Variants in ZC3H12B observed in about 807,000 individuals in gnomAD.
ZC3H12B encodes zinc finger CCCH-type containing 12B.
ZC3H12B carries 7 observed loss-of-function variants against 43.9 expected under a neutral mutation model. The ratio of observed to expected loss-of-function variants is 0.16; its 90% confidence interval spans 0.09 to 0.30. The LOEUF is 0.30. ZC3H12B is among the 10% of genes least tolerant of loss of function. The pLI, the probability that ZC3H12B is intolerant of heterozygous loss-of-function variation, is 1.00. For missense variants in ZC3H12B, 475 were observed against 670.2 expected (o/e 0.71, Z 3.22); for synonymous variants, 222 against 241.7 (o/e 0.92, Z 0.76).
chrX:65,151,423 C>T, the ZC3H12B span, among the ~76,000 whole-genome samples: 1 of 111,821 alleles, frequency 8.9e-6, no homozygotes, highest in African/African-American at 3.2e-5. Flanking sequence ...ATATGTTCAT[C>T]CTCTCAAAAT....
At chrX:65,189,232 T>C in the ZC3H12B span, among the ~76,000 whole-genome samples, 16 of 103,588 alleles carry the variant, frequency 1.5e-4, no homozygotes, top group African/African-American at 5.9e-4. Flanking sequence ...GTCTTTGCTA[T>C]TGTGAATAAT....
At chrX:65,103,771 G>C in the ZC3H12B span, among the ~76,000 whole-genome samples, 1 of 111,366 alleles carries the variant, frequency 9.0e-6, no homozygotes, top group Non-Finnish European at 1.9e-5. Flanking sequence ...AATAAGAGAG[G>C]ACACAAACAA....
At chrX:65,452,733 C>T (rs777885918) in intron 3 of ZC3H12B, among the ~76,000 whole-genome samples, 18 of 109,791 alleles carry the variant, frequency 1.6e-4, no homozygotes, top group African/African-American at 4.3e-4. Context: ...CCCAGCTGCT[C>T]GGGAGGCTGA....
At chrX:65,142,848 A>C in the ZC3H12B span, among the ~76,000 whole-genome samples, 2 of 111,971 alleles carry the variant, frequency 1.8e-5, no homozygotes, top group Non-Finnish European at 3.8e-5. Context: ...ATTCTGTTTC[A>C]TTGGTCTGTG....
intron 2 of ZC3H12B, among the ~76,000 whole-genome samples, chrX:65,388,622 T>C: frequency 8.9e-6 from 1 of 111,920 alleles, no homozygotes; most frequent in Non-Finnish European, 1.9e-5. Context: ...TTGATTGTCT[T>C]AAGCCTTCTT....
the ZC3H12B span, among the ~76,000 whole-genome samples, chrX:65,295,623 C>A: frequency 9.0e-6 from 1 of 111,006 alleles, no homozygotes; most frequent in Non-Finnish European, 1.9e-5. Context: ...AAAGCTGGTT[C>A]TTTGAAAAGA....
At chrX:65,354,350 A>G in the ZC3H12B span, among the ~76,000 whole-genome samples, 2 of 112,291 alleles carry the variant, frequency 1.8e-5, no homozygotes, top group African/African-American at 6.5e-5. Context: ...AAACTCCAGC[A>G]GACCTGCAGC....
chrX:65,212,617 A>T, the ZC3H12B span, among the ~76,000 whole-genome samples: 2 of 84,483 alleles, frequency 2.4e-5, no homozygotes, highest in Non-Finnish European at 4.3e-5. Flanking sequence ...CATATATGAT[A>T]TATAATATAT....
At chrX:65,049,544 G>A in the ZC3H12B span, among the ~76,000 whole-genome samples, 1 of 111,367 alleles carries the variant, frequency 9.0e-6, no homozygotes. Flanking sequence ...TTGCCTTTAT[G>A]TCAGTTTCAT....
chrX:65,387,658 T>A (rs1376494449), intron 2 of ZC3H12B, among the ~76,000 whole-genome samples: 1 of 112,090 alleles, frequency 8.9e-6, no homozygotes, highest in Non-Finnish European at 1.9e-5. Context: ...TTAATATTGT[T>A]ATGTGTGAAT....
the ZC3H12B span, among the ~76,000 whole-genome samples, chrX:65,123,105 A>G: frequency 4.5e-5 from 5 of 112,245 alleles, no homozygotes; most frequent in East Asian, 2.8e-4. Flanking sequence ...CATCCCATCA[A>G]TGCCTAGTTT....
intron 3 of ZC3H12B, among the ~76,000 whole-genome samples, chrX:65,458,085 T>TAAAAAAAAAAAAA (rs59738258): frequency 2.0e-5 from 1 of 49,081 alleles, no homozygotes; most frequent in Non-Finnish European, 3.8e-5. Context: ...AAAAAAAAAT[T>TAAAAAAAAAAAAA]AAAAAAAAAA....
chrX:65,372,753 G>A (rs1463788033), intron 2 of ZC3H12B, among the ~76,000 whole-genome samples: 1 of 112,125 alleles, frequency 8.9e-6, no homozygotes, highest in Non-Finnish European at 1.9e-5. Flanking sequence ...GGAAACTGAG[G>A]TTTGGAGAAC....
At chrX:65,161,936 T>C in the ZC3H12B span, among the ~76,000 whole-genome samples, 5 of 112,016 alleles carry the variant, frequency 4.5e-5, no homozygotes, top group Non-Finnish European at 7.5e-5. Context: ...AGTGCTTCCT[T>C]CAGGAGTTCT....
chrX:65,197,287 G>T, the ZC3H12B span, among the ~76,000 whole-genome samples: 2 of 112,066 alleles, frequency 1.8e-5, no homozygotes, highest in Non-Finnish European at 3.8e-5. Context: ...AGCAGCCGCC[G>T]CCCAGGGACC....
the ZC3H12B span, among the ~76,000 whole-genome samples, chrX:65,166,463 G>A: frequency 6.3e-5 from 7 of 111,779 alleles, no homozygotes; most frequent in African/African-American, 2.0e-4. Flanking sequence ...ATTTGGGTTC[G>A]TTCCAAGTCT....
chrX:65,195,308 T>G, the ZC3H12B span, among the ~76,000 whole-genome samples: 1 of 111,750 alleles, frequency 8.9e-6, no homozygotes, highest in East Asian at 2.8e-4. Flanking sequence ...AATTTCTTAC[T>G]TTTTACATTT....
the ZC3H12B span, among the ~76,000 whole-genome samples, chrX:65,278,983 C>A: frequency 9.0e-6 from 1 of 110,598 alleles, no homozygotes; most frequent in Non-Finnish European, 1.9e-5. Flanking sequence ...TGATCTTCTT[C>A]TTTTTTATGG....
At chrX:65,299,442 G>T in the ZC3H12B span, among the ~76,000 whole-genome samples, 1 of 111,592 alleles carries the variant, frequency 9.0e-6, no homozygotes, top group Admixed American at 9.6e-5. Flanking sequence ...TAGCACAAGT[G>T]GTATTTATTC....
Sources: gnomAD v4.1 joint callset for allele counts (sites outside exome capture counted in the v4.1 genomes callset) on GRCh38, gnomAD v4.1.1 for gene constraint, MANE v1.5 for transcripts, NCBI Gene and HGNC (gene_info 2026-07-23, HGNC 2026-07-21) for gene names.